The following ERC2 variants were observed in gnomAD, a reference collection of about 807,000 sequenced individuals.
ERC2 encodes the protein ERC protein 2.
A neutral mutation model predicts 114.8 loss-of-function variants in ERC2; 42 were observed. That is an observed-to-expected ratio of 0.37 (90% CI 0.29 to 0.47). The LOEUF is 0.47. ERC2 is among the 20% of genes least tolerant of loss of function. ERC2 has a pLI of 0.99. For synonymous variants in ERC2, 454 were observed against 425.5 expected, an observed-to-expected ratio of 1.07 and a Z score of -0.82; for missense variants, 939 against 1,150.7, an observed-to-expected ratio of 0.82 and a Z score of 2.66.
At chr3:56,461,475 C>T (rs2063315995) in intron 1 of ERC2, among the ~76,000 whole-genome samples, 1 of 152,172 alleles carries the variant, frequency 6.6e-6, no homozygotes, top group South Asian at 2.1e-4. Context: ...GAAGAGGGCA[C>T]TGGGTGCTCT....
At chr3:56,437,748 T>C (rs1356820968) in intron 1 of ERC2, among the ~76,000 whole-genome samples, 3 of 152,218 alleles carry the variant, frequency 2.0e-5, no homozygotes, top group Admixed American at 2.0e-4. Context: ...GGATCAATAG[T>C]TCTAACATAA....
chr3:56,254,282 A>C (rs62253588), intron 3 of ERC2, among the ~76,000 whole-genome samples: 89,233 of 152,070 alleles, frequency 0.59, 28,752 homozygotes, highest in Non-Finnish European at 0.72. Flanking sequence ...GCACCCCCCA[A>C]CAACTATACT....
chr3:55,729,064 G>A (rs1025553506), intron 15 of ERC2, among the ~76,000 whole-genome samples: 7 of 152,274 alleles, frequency 4.6e-5, no homozygotes, highest in Middle Eastern at 3.4e-3. Context: ...TAGTAGTGAT[G>A]AGGGGAGCCC....
chr3:55,936,182 T>A (rs906742716), intron 13 of ERC2, among the ~76,000 whole-genome samples: 2 of 152,172 alleles, frequency 1.3e-5, no homozygotes, highest in East Asian at 3.9e-4. Flanking sequence ...CACTCTTCTC[T>A]TCCCTCACAG....
intron 14 of ERC2, among the ~76,000 whole-genome samples, chr3:55,788,340 G>A (rs763386857): frequency 2.0e-5 from 3 of 152,166 alleles, no homozygotes; most frequent in Non-Finnish European, 2.9e-5. Flanking sequence ...ACTCTGCAAA[G>A]GGTATCTCGA....
At chr3:56,393,535 T>G (rs2060201166) in intron 2 of ERC2, among the ~76,000 whole-genome samples, 3 of 152,336 alleles carry the variant, frequency 2.0e-5, no homozygotes, top group South Asian at 4.1e-4. Flanking sequence ...GTAACACAAT[T>G]GTAATTCATT....
At chr3:55,947,270 T>C (rs1017362762) in intron 13 of ERC2, among the ~76,000 whole-genome samples, 2 of 125,382 alleles carry the variant, frequency 1.6e-5, no homozygotes, top group African/African-American at 6.7e-5. Context: ...CCCTCAACTA[T>C]ATCCACACAC....
At chr3:55,655,144 C>T (rs1658122248) in intron 17 of ERC2, among the ~76,000 whole-genome samples, 1 of 152,200 alleles carries the variant, frequency 6.6e-6, no homozygotes. Flanking sequence ...AGGTTCCACA[C>T]TAGCCTCCAG....
At chr3:55,670,413 T>C (rs950494763) in intron 17 of ERC2, among the ~76,000 whole-genome samples, 4 of 152,206 alleles carry the variant, frequency 2.6e-5, no homozygotes. Flanking sequence ...TTCACGATTC[T>C]TAAAGAAATG....
In ERC2 at chr3:55,808,593, C is replaced by T. The variant is rs371544552; in HGVS notation, c.2565-73675G>A. Among the ~76,000 whole-genome samples, 23 of 150,934 alleles carry T rather than the reference C, an allele frequency of 1.5e-4. 1 individual carries two copies. Among genetic ancestry groups the T allele is most frequent in the Admixed American group, 2.0e-4 (3 of 15,106 alleles). On this transcript the variant is annotated intron_variant, in intron 14 of 17. Transcript: ENST00000288221. ...TTTCCATTAGAGGGAACTTAAAAAGCATCCAGTTTAGTTTGATTCTCCCAT... is the reference window on the plus strand; with the variant it reads ...TTTCCATTAGAGGGAACTTAAAAAGTATCCAGTTTAGTTTGATTCTCCCAT...
intron 6 of ERC2, among the ~76,000 whole-genome samples, chr3:56,095,703 G>C (rs1371495288): frequency 6.6e-6 from 1 of 152,206 alleles, no homozygotes; most frequent in Non-Finnish European, 1.5e-5. Context: ...CTAACTCAGT[G>C]TAAGAGAAAT....
chr3:55,538,633 C>T (rs1335321346), intron 17 of ERC2, among the ~76,000 whole-genome samples: 1 of 152,152 alleles, frequency 6.6e-6, no homozygotes, highest in Middle Eastern at 3.2e-3. Context: ...TTTGGATTCA[C>T]AAAACAAAAC....
intron 13 of ERC2, among the ~76,000 whole-genome samples, chr3:55,906,578 C>T (rs2064465001): frequency 6.6e-6 from 1 of 152,106 alleles, no homozygotes; most frequent in African/African-American, 2.4e-5. Context: ...GGATGCGGTC[C>T]AACAATATGT....
At chr3:55,630,453 G>A (rs2059706025) in intron 17 of ERC2, among the ~76,000 whole-genome samples, 1 of 152,324 alleles carries the variant, frequency 6.6e-6, no homozygotes, top group South Asian at 2.1e-4. Context: ...ACAGGTGTGA[G>A]CCACCACGCC....
At chr3:56,212,596 A>T (rs2049136111) in intron 3 of ERC2, among the ~76,000 whole-genome samples, 1 of 152,192 alleles carries the variant, frequency 6.6e-6, no homozygotes, top group African/African-American at 2.4e-5. Context: ...CAGCAATCCC[A>T]CTCCTGGGTA....
At chr3:55,911,426 C>T (rs751259939) in intron 13 of ERC2, among the ~76,000 whole-genome samples, 15 of 151,920 alleles carry the variant, frequency 9.9e-5, no homozygotes, top group South Asian at 2.1e-4. Flanking sequence ...TTGACTTCAT[C>T]GTAAGCGGCT....
At chr3:55,611,061 A>G (rs1323835265) in intron 17 of ERC2, among the ~76,000 whole-genome samples, 2 of 152,242 alleles carry the variant, frequency 1.3e-5, no homozygotes, top group Non-Finnish European at 2.9e-5. Flanking sequence ...GAAAAAGCCA[A>G]AAATGGTAAA....
At chr3:56,424,138 G>A (rs1324118538) in intron 2 of ERC2, among the ~76,000 whole-genome samples, 4 of 152,292 alleles carry the variant, frequency 2.6e-5, no homozygotes, top group Admixed American at 6.5e-5. Flanking sequence ...TGTCGATAGC[G>A]AACAACAGTG....
intron 3 of ERC2, among the ~76,000 whole-genome samples, chr3:56,209,143 C>T (rs1358261313): frequency 6.6e-6 from 1 of 152,144 alleles, no homozygotes; most frequent in Non-Finnish European, 1.5e-5. Context: ...CCTCCTTTCA[C>T]ACCACCCCCT....
Sources: gnomAD v4.1 joint callset for allele counts (sites outside exome capture counted in the v4.1 genomes callset) on GRCh38, gnomAD v4.1.1 for gene constraint, MANE v1.5 for transcripts, NCBI Gene and HGNC (gene_info 2026-07-23, HGNC 2026-07-21) for gene names.